The following CCNQ variants were observed in gnomAD, a reference collection of about 807,000 sequenced individuals.
CCNQ encodes the protein cyclin Q, also known as cyclin-Q.
A neutral mutation model predicts 17.7 loss-of-function variants in CCNQ; 3 were observed. The observed-to-expected ratio is 0.17, with a 90% confidence interval of 0.08 to 0.44. The LOEUF is 0.44. Ranked by LOEUF, CCNQ falls within the 20% of genes least tolerant of loss-of-function variation. CCNQ has a pLI of 0.99. For missense variants in CCNQ, 146 were observed against 222.6 expected (o/e 0.66, Z 2.19); for synonymous variants, 73 against 96.0 (o/e 0.76, Z 1.40).
At chrX:153,592,133 G>A (rs1029255342) in intron 4 of CCNQ, among the ~76,000 whole-genome samples, 5 of 112,175 alleles carry the variant, frequency 4.5e-5, no homozygotes, top group Admixed American at 1.9e-4. Context: ...CACCTACCTA[G>A]CCATCCAGCC....
At chrX:153,598,757 C>T (rs1272166957) in intron 1 of CCNQ, among the ~76,000 whole-genome samples, 1 of 113,381 alleles carries the variant, frequency 8.8e-6, no homozygotes, top group Non-Finnish European at 1.9e-5. Flanking sequence ...CTAGGGCCTG[C>T]ACACCGGTCC....
At position 153,599,009 on chromosome X, in the gene CCNQ, G is replaced by A. The variant is rs1557027741; in HGVS notation, c.65C>T (p.Pro22Leu). The A allele has an allele frequency of 1.8e-6, 2 of 1,128,506 alleles. No homozygotes were observed. Among genetic ancestry groups the A allele is most frequent in the East Asian group, 3.7e-5 (1 of 26,962 alleles). 93.0% of individuals were successfully genotyped at this position (1,128,506 alleles called of 1,213,427 possible). Reference sequence around the variant, plus strand: ...CACTCGGAAGTGCACCCTGGCTTCGGGCGCCGGCTGCCCCTCCGGGCCCCG... The same window carrying A: ...CACTCGGAAGTGCACCCTGGCTTCGAGCGCCGGCTGCCCCTCCGGGCCCCG... ...AARGPEGQPA[P>L]EARVHFRVAR... Residue 22 changes from proline (P) to leucine (L), a missense_variant, in exon 1 of 5, where the codon CCC becomes CTC. Transcript: ENST00000576892.
intron 2 of CCNQ, 42 bp downstream of exon 2, chrX:153,595,962 C>T: frequency 8.3e-7 from 1 of 1,205,822 alleles, no homozygotes; most frequent in Non-Finnish European, 1.1e-6. Flanking sequence ...TGCCCGTCCC[C>T]CCCACCGGGT....
At position 153,592,265 on chromosome X, in the gene CCNQ, G is replaced by A. The variant is rs183090711; in HGVS notation, c.657+241C>T. On this transcript the variant is annotated intron_variant, in intron 4 of 4. Coordinates refer to ENST00000576892, the MANE Select transcript of CCNQ (RefSeq NM_152274.5). ...TCCGCTGGGGCAACCCTCCTCCCGG[G>A]ACACCGGCGACGTCGGTGGAGGCCA... Among the ~76,000 whole-genome samples the A allele has an allele frequency of 9.7e-5, 11 of 112,991 alleles. No homozygotes were observed. In the East Asian group the frequency reaches 3.1e-3, roughly 32 times the overall value.
At chrX:153,598,605 G>C (rs782686700) in intron 1 of CCNQ, among the ~76,000 whole-genome samples, 32 of 113,263 alleles carry the variant, frequency 2.8e-4, no homozygotes, top group African/African-American at 1.0e-3. Flanking sequence ...TTCTCCAAAA[G>C]GCTCCGCGCG....
At chrX:153,588,840 C>A (rs1300544765) in intron 4 of CCNQ, among the ~76,000 whole-genome samples, 4 of 113,011 alleles carry the variant, frequency 3.5e-5, no homozygotes, top group Non-Finnish European at 7.5e-5. Flanking sequence ...TGTGCAGCCA[C>A]AGGCAGGCTA....
Position 153,592,581 on chromosome X carries a change from C to T in CCNQ, c.582G>A (p.Ala194=), listed in dbSNP as rs781829925. 11 of 1,210,729 alleles carry T rather than the reference C, an allele frequency of 9.1e-6. No homozygotes were observed. Among genetic ancestry groups the T allele is most frequent in the Admixed American group, 4.3e-5 (2 of 46,014 alleles). Residue 194 remains alanine (A), a synonymous_variant, in exon 4 of 5, where the codon GCG becomes GCA. Transcript: ENST00000576892. ...LRFQAQHIAV[A]VLYLALQVYG... is the part of the protein sequence containing the mutation. The stretch of plus-strand genomic sequence containing the variant: ...AGACCTGCAGGGCCAGGTAGAGCAC[C>T]GCCACGGCGATGTGCTGGGCCTGGA...
chrX:153,596,628 C>A (rs1251894870), intron 1 of CCNQ, among the ~76,000 whole-genome samples: 3 of 112,906 alleles, frequency 2.7e-5, no homozygotes, highest in African/African-American at 9.7e-5. Flanking sequence ...GCCCACCCCA[C>A]AGCTACGACG....
chrX:153,590,629 G>A (rs1240119763), intron 4 of CCNQ, among the ~76,000 whole-genome samples: 1 of 112,031 alleles, frequency 8.9e-6, no homozygotes, highest in Non-Finnish European at 1.9e-5. Flanking sequence ...TTCCGTCCCT[G>A]GGCCGCACAC....
chrX:153,588,866 C>T (rs1157832570), intron 4 of CCNQ, among the ~76,000 whole-genome samples: 5 of 112,902 alleles, frequency 4.4e-5, no homozygotes, highest in East Asian at 2.8e-4. Flanking sequence ...CCGGACCCCA[C>T]GCCTACCCTA....
Position 153,599,093 on chromosome X carries a change from G to GCGCA in CCNQ, c.-21_-20insTGCG. 1 of 895,730 alleles carries GCGCA rather than the reference G, an allele frequency of 1.1e-6. No homozygotes were observed. The highest frequency in any genetic ancestry group is 3.3e-5 in the South Asian group (1 of 29,987). The allele number at this position is 895,730 out of a possible 1,213,427, so 73.8% of individuals were successfully genotyped here. A position where few individuals can be genotyped will look rare whatever the true frequency, so the allele number is the denominator to read the frequency against. On this transcript the variant is annotated 5_prime_UTR_variant, in exon 1 of 5. Coordinates refer to ENST00000576892, the MANE Select transcript of CCNQ (RefSeq NM_152274.5). ...TTCCATGAGGCGCCGCGGCACCGGC[G>GCGCA]GAAGGAGAGGCGGCCCCGGCGCGCA...
chrX:153,592,911 T>C (rs2091002399), intron 3 of CCNQ, among the ~76,000 whole-genome samples, 178 bp from the exon 4 acceptor site: 1 of 111,663 alleles, frequency 9.0e-6, no homozygotes, highest in Non-Finnish European at 1.9e-5. Flanking sequence ...GCAAACCCCA[T>C]CTAGGGCCTT....
chrX:153,598,867 G>T (rs2091046484), intron 1 of CCNQ, 95 bp downstream of exon 1: 4 of 619,579 alleles, frequency 6.5e-6, no homozygotes, highest in Non-Finnish European at 8.8e-6. Flanking sequence ...CCTCTGCTAC[G>T]GTGAGCACTC....
rs1302573135 is a variant in CCNQ at position 153,597,381 on chromosome X, C to G, written c.113-1194G>C. ...AGCTAAGATCAACGTCTAAGCAGGG[C>G]TGGCTCCTTCTGGAGGCTCCATGGG... On this transcript the variant is annotated intron_variant, in intron 1 of 4. Transcript: ENST00000576892. 3 of 112,635 alleles carry G rather than the reference C, an allele frequency of 2.7e-5. No individual in the cohort carries two copies. In the Admixed American group the frequency reaches 2.8e-4, roughly 11 times the overall value. The allele number at this position is 112,635 out of a possible 1,213,427, so 9.3% of individuals were successfully genotyped here.
intron 1 of CCNQ, chrX:153,597,448 C>T (rs1453072090): frequency 8.9e-6 from 1 of 112,255 alleles, no homozygotes; most frequent in African/African-American, 3.2e-5. Flanking sequence ...AGGAGGGCTG[C>T]ATTCCTTGGT....
At position 153,590,185 on chromosome X, in the gene CCNQ, G is replaced by A. The variant is rs189423035; in HGVS notation, c.658-1731C>T. On this transcript the variant is annotated intron_variant, in intron 4 of 4. Coordinates refer to ENST00000576892, the MANE Select transcript of CCNQ (RefSeq NM_152274.5). ...GGAGGCTGTAGTAAGCTGAGATTGC[G>A]CCACTGTACTCCAGCCTGGGCAATA... Among the ~76,000 whole-genome samples the A allele has an allele frequency of 5.7e-4, 48 of 84,465 alleles. No homozygotes were observed. In the East Asian group the frequency reaches 7.6e-3, roughly 13 times the overall value. 73.3% of individuals were successfully genotyped at this position (84,465 alleles called of 115,157 possible).
intron 2 of CCNQ, among the ~76,000 whole-genome samples, chrX:153,595,051 C>T (rs1162019323): frequency 8.8e-6 from 1 of 112,996 alleles, no homozygotes; most frequent in Non-Finnish European, 1.9e-5. Flanking sequence ...AGGGAGTCTT[C>T]ATCACCTGAG....
chrX:153,592,922 C>T (rs782226675), intron 3 of CCNQ, among the ~76,000 whole-genome samples, 189 bp from the exon 4 acceptor site: 2 of 112,060 alleles, frequency 1.8e-5, no homozygotes, highest in South Asian at 3.7e-4. Flanking sequence ...CTAGGGCCTT[C>T]GCACTTGCTG....
intron 1 of CCNQ, among the ~76,000 whole-genome samples, chrX:153,598,712 G>A (rs1455925454): frequency 8.8e-6 from 1 of 113,393 alleles, no homozygotes; most frequent in Non-Finnish European, 1.9e-5. Context: ...GCCGGTCTCC[G>A]CCTCGCTGGA....
Sources: gnomAD v4.1 joint callset for allele counts (sites outside exome capture counted in the v4.1 genomes callset) on GRCh38, gnomAD v4.1.1 for gene constraint, MANE v1.5 for transcripts, NCBI Gene and HGNC (gene_info 2026-07-23, HGNC 2026-07-21) for gene names.